CES5A: variants seen among roughly 807,000 people sequenced by gnomAD.
CES5A encodes carboxylesterase 5.
Under a neutral mutation model 62.9 loss-of-function variants are expected in CES5A, and 67 were observed. That is an observed-to-expected ratio of 1.07 (90% CI 0.88 to 1.31). CES5A has a LOEUF of 1.31. CES5A is among the 50% of genes most tolerant of loss of function. The probability of loss-of-function intolerance (pLI) is 0.00; values close to 1 mark genes in which losing one functional copy is unlikely to be tolerated. For synonymous variants in CES5A, 296 were observed against 280.8 expected (o/e 1.05, Z -0.54); for missense variants, 748 against 708.5 (o/e 1.06, Z -0.63).
At chr16:55,928,894 G>C (rs2034283176), upstream of CES5A, among the ~76,000 whole-genome samples, 1 of 152,128 alleles carries the variant, frequency 6.6e-6, no homozygotes, top group Non-Finnish European at 1.5e-5. Flanking sequence ...CCAGGACTCA[G>C]AGGTCCCAGG....
intron 4 of CES5A, among the ~76,000 whole-genome samples, chr16:55,866,533 A>T (rs1314055103): frequency 6.6e-6 from 1 of 151,852 alleles, no homozygotes; most frequent in Admixed American, 6.6e-5. Context: ...TCACAATAAC[A>T]ATTAACAGGC....
At chr16:55,867,870 G>A (rs3859107) in intron 4 of CES5A, among the ~76,000 whole-genome samples, 25,666 of 152,130 alleles carry the variant, frequency 0.17, 2,583 homozygotes, top group Middle Eastern at 0.27. Context: ...TCATATTCAC[G>A]TTATATACAT....
In CES5A at chr16:55,943,819, G is replaced by A. The variant is rs79140623; in HGVS notation, c.160+5966C>T. On this transcript the variant is annotated intron_variant, in intron 2 of 13. Transcript: ENST00000521992. ...GGAAGGGCTTTAACCACAGTGTGAT[G>A]TCAGCCTAGTCATTCTCCCTCTCTG... Among the ~76,000 whole-genome samples the A allele has an allele frequency of 3.5e-4, 53 of 152,344 alleles. 1 individual carries two copies. The East Asian group carries it at 0.01, about 29-fold the overall frequency.
intron 1 of CES5A, among the ~76,000 whole-genome samples, chr16:55,897,066 C>T (rs755972390): frequency 1.3e-5 from 2 of 152,038 alleles, no homozygotes; most frequent in Non-Finnish European, 2.9e-5. Context: ...CCGCATCCCC[C>T]CCATCCTCTA....
intron 1 of CES5A, among the ~76,000 whole-genome samples, chr16:55,908,723 T>G (rs541820972): frequency 6.6e-6 from 1 of 152,334 alleles, no homozygotes; most frequent in South Asian, 2.1e-4. Flanking sequence ...ACCTGTATGT[T>G]TGAGGTGACC....
At chr16:55,854,292 C>A (rs542464690) in intron 9 of CES5A, among the ~76,000 whole-genome samples, 3 of 152,186 alleles carry the variant, frequency 2.0e-5, no homozygotes, top group Admixed American at 1.3e-4. Context: ...CACTTTCCCG[C>A]ACAGCCTACT....
At chr16:55,877,958 C>A (rs1228384135), upstream of CES5A, among the ~76,000 whole-genome samples, 1 of 152,118 alleles carries the variant, frequency 6.6e-6, no homozygotes, top group African/African-American at 2.4e-5. Flanking sequence ...CTGGCTTCTG[C>A]AGTTATTGGG....
intron 4 of CES5A, among the ~76,000 whole-genome samples, chr16:55,869,144 C>T (rs571150153): frequency 6.6e-6 from 1 of 152,344 alleles, no homozygotes; most frequent in East Asian, 1.9e-4. Flanking sequence ...TACATGGCCC[C>T]AGCTCGCTTG....
intron 1 of CES5A, among the ~76,000 whole-genome samples, chr16:55,874,664 T>C (rs1171389478): frequency 6.6e-6 from 1 of 152,122 alleles, no homozygotes; most frequent in Non-Finnish European, 1.5e-5. Flanking sequence ...AATCAACTCG[T>C]CTACTTCCAG....
In CES5A at chr16:55,935,165, A is replaced by G. The variant is rs533560600; in HGVS notation, c.160+14620T>C. 7.5e-4 allele frequency among the ~76,000 whole-genome samples: 114 copies of G among 151,450 alleles called. 2 individuals are homozygous for G. Among genetic ancestry groups the G allele is most frequent in the Non-Finnish European group, 1.3e-3 (91 of 67,836 alleles). ...ACAGTGTTGGCCAGGCTGCTGTTGA[A>G]CTCCCAACCTTAGGTGATCCACCCG... On this transcript the variant is annotated intron_variant, in intron 2 of 13. Coordinates refer to the CES5A transcript ENST00000521992.
intron 5 of CES5A, among the ~76,000 whole-genome samples, chr16:55,864,984 A>T (rs1420825182): frequency 6.6e-6 from 1 of 152,116 alleles, no homozygotes; most frequent in East Asian, 1.9e-4. Context: ...AGGTGGGCGG[A>T]TCACCTGAAG....
chr16:55,866,373 G>T (rs1441304720), intron 4 of CES5A, among the ~76,000 whole-genome samples: 2 of 152,110 alleles, frequency 1.3e-5, no homozygotes, highest in Non-Finnish European at 2.9e-5. Flanking sequence ...GTATTCACAG[G>T]TTCCTCAGAA....
At chr16:55,928,574 T>C (rs1934899431), upstream of CES5A, among the ~76,000 whole-genome samples, 1 of 152,248 alleles carries the variant, frequency 6.6e-6, no homozygotes, top group African/African-American at 2.4e-5. Flanking sequence ...TATTGGAATT[T>C]GTTTAAAAGA....
upstream of CES5A, among the ~76,000 whole-genome samples, chr16:55,876,030 T>G (rs369358439): frequency 6.6e-6 from 1 of 152,250 alleles, no homozygotes; most frequent in Non-Finnish European, 1.5e-5. Flanking sequence ...AACCTTCCCC[T>G]GATTCTCCTG....
In CES5A at chr16:55,849,629, A is replaced by ATAACAATG; in HGVS notation, c.1410_1417dup (p.Met473ThrfsTer15). The ATAACAATG allele has an allele frequency of 6.2e-7, 1 of 1,614,012 alleles. No homozygotes were observed. The highest frequency in any genetic ancestry group is 1.1e-5 in the South Asian group (1 of 91,082). On this transcript the variant is annotated frameshift_variant, in exon 11 of 13. Coordinates refer to ENST00000290567, the MANE Select transcript of CES5A (RefSeq NM_001143685.2). LOFTEE classifies it high-confidence loss of function. Reference sequence around the variant, plus strand: ...GGAAGTGGCCAGTCCCTTACCGAACATAACAATGTCCCCCTTCAGGAAGGC... The same window carrying ATAACAATG: ...GGAAGTGGCCAGTCCCTTACCGAACATAACAATGTAACAATGTCCCCCTTCAGGAAGGC...
In CES5A at chr16:55,859,477, G is replaced by T. The variant is rs1166288961; in HGVS notation, c.1056+70C>A. 6 of 1,472,558 alleles carry T rather than the reference G, an allele frequency of 4.1e-6. No individual in the cohort carries two copies. In the African/African-American group the frequency reaches 7.0e-5, roughly 17 times the overall value. The allele number at this position is 1,472,558 out of a possible 1,614,324, so 91.2% of individuals were successfully genotyped here. A position where few individuals can be genotyped will look rare whatever the true frequency, so the allele number is the denominator to read the frequency against. ...AATACCTGATGTCTTCTGTGGAAAT[G>T]CCCAGCTGTTGAAGCCAAAGCTGCA... On this transcript the variant is annotated intron_variant, in intron 8 of 12. Transcript: ENST00000290567.
intron 2 of CES5A, among the ~76,000 whole-genome samples, chr16:55,942,807 G>A (rs1428880015): frequency 6.6e-6 from 1 of 152,198 alleles, no homozygotes; most frequent in African/African-American, 2.4e-5. Context: ...TAAACAAATA[G>A]TGGTATGTCC....
intron 3 of CES5A, 94 bp from the exon 4 acceptor site, chr16:55,869,838 A>G (rs2033546971): frequency 6.9e-7 from 1 of 1,458,408 alleles, no homozygotes; most frequent in Non-Finnish European, 9.2e-7. Flanking sequence ...TGAAATATAA[A>G]TGTCCCACTT....
chr16:55,877,865 T>G (rs1156476208), upstream of CES5A, among the ~76,000 whole-genome samples: 1 of 152,190 alleles, frequency 6.6e-6, no homozygotes, highest in Non-Finnish European at 1.5e-5. Context: ...AGCCCAGGTT[T>G]CCTGCCCTCG....
Sources: allele counts gnomAD v4.1 joint callset (sites outside exome capture counted in the v4.1 genomes callset), GRCh38; gene constraint gnomAD v4.1.1; transcripts MANE v1.5; gene names NCBI Gene and HGNC (gene_info 2026-07-23, HGNC 2026-07-21).